Variants in GABPB1 observed in about 807,000 individuals in gnomAD.
GABPB1 encodes GA binding protein transcription factor subunit beta 1.
In GABPB1, 15 loss-of-function variants were observed where a neutral mutation model predicts 45.9. The observed-to-expected ratio is 0.33, with a 90% CI of 0.22 to 0.50. The LOEUF (loss-of-function observed/expected upper bound fraction) is 0.50. Among genes scored for constraint, GABPB1 ranks in the 20% least tolerant of loss-of-function variants. The probability of loss-of-function intolerance (pLI) is 0.98; values close to 1 mark genes in which losing one functional copy is unlikely to be tolerated. For missense variants in GABPB1, 252 were observed against 457.5 expected, an observed-to-expected ratio of 0.55 and a Z score of 4.10; for synonymous variants, 143 against 154.4, an observed-to-expected ratio of 0.93 and a Z score of 0.55.
At chr15:50,315,014 G>A (rs1383596601) in intron 1 of GABPB1, among the ~76,000 whole-genome samples, 2 of 152,108 alleles carry the variant, frequency 1.3e-5, no homozygotes, top group Admixed American at 1.3e-4. Flanking sequence ...GTGTGCTCAA[G>A]TATTTACATA....
chr15:50,320,272 ATTC>A (rs1323879743), intron 1 of GABPB1, among the ~76,000 whole-genome samples: 12 of 152,156 alleles, frequency 7.9e-5, no homozygotes, highest in African/African-American at 2.9e-4. Flanking sequence ...GGTTCAAGCA[ATTC>A]TTCTGCCTCA....
At chr15:50,286,209 T>C in intron 7 of GABPB1, 26 bp from the exon 8 acceptor site, 1 of 1,422,898 alleles carries the variant, frequency 7.0e-7, no homozygotes. Context: ...AATTATGTAT[T>C]ACTTCATTTT....
Position 50,278,687 on chromosome 15 carries a change from T to C in GABPB1, c.1097A>G (p.Tyr366Cys), listed in dbSNP as rs769451248. 2.5e-6 allele frequency: 4 copies of C among 1,613,896 alleles called. No homozygotes were observed. Among genetic ancestry groups the C allele is most frequent in the African/African-American group, 1.3e-5 (1 of 75,058 alleles). Reference protein sequence around the residue: ...LLKKEQEAEAYRQKLEAMTRL... With the variant: ...LLKKEQEAEACRQKLEAMTRL... Reference sequence around the variant, plus strand: ...AGTCATAGCTTCCAACTTCTGTCTGTAGGCCTCTGCTTCCTGTTCTTTCTT... The same window carrying C: ...AGTCATAGCTTCCAACTTCTGTCTGCAGGCCTCTGCTTCCTGTTCTTTCTT... The change falls in exon 9 of 9, where the codon TAC becomes TGC. Residue 366 changes from tyrosine to cysteine, a missense_variant. This residue lies in a region of GABPB1 where 19 missense variants were observed against 23.8 expected (regional missense o/e 0.80). Transcript: ENST00000380877.
At chr15:50,339,247 G>C (rs1390400154) in intron 1 of GABPB1, among the ~76,000 whole-genome samples, 1 of 152,178 alleles carries the variant, frequency 6.6e-6, no homozygotes, top group Non-Finnish European at 1.5e-5. Context: ...GAGCCTGGTA[G>C]GCAGAGGTTG....
chr15:50,288,456 C>A (rs951387803), intron 7 of GABPB1, among the ~76,000 whole-genome samples: 4 of 152,168 alleles, frequency 2.6e-5, no homozygotes, highest in African/African-American at 9.7e-5. Flanking sequence ...CTTCTCTCTG[C>A]CTCAGTATTC....
chr15:50,281,629 A>G (rs1196364005), intron 8 of GABPB1, among the ~76,000 whole-genome samples: 1 of 152,238 alleles, frequency 6.6e-6, no homozygotes, highest in African/African-American at 2.4e-5. Context: ...GTTTTTATAA[A>G]TAAAGTTTTA....
In GABPB1 at chr15:50,355,123, A is replaced by G. The variant is rs1481638889; in HGVS notation, c.-139T>C. On this transcript the variant is annotated 5_prime_UTR_variant, in exon 1 of 9. Coordinates refer to ENST00000380877, the MANE Select transcript of GABPB1 (RefSeq NM_016654.5). ...CTGCACAGGGCGCTATTTTCCGAAA[A>G]TGCCGCGTCTGGTCGGCGCCCAAAA... The G allele has an allele frequency of 5.2e-5, 8 of 152,998 alleles. No individual in the cohort carries two copies. Among genetic ancestry groups the G allele is most frequent in the Non-Finnish European group, 1.2e-4 (8 of 68,260 alleles). The allele number at this position is 152,998 out of a possible 1,614,324, so 9.5% of individuals were successfully genotyped here. A position where few individuals can be genotyped will look rare whatever the true frequency, so the allele number is the denominator to read the frequency against.
At chr15:50,337,937 T>C (rs1404039180) in intron 1 of GABPB1, among the ~76,000 whole-genome samples, 4 of 152,132 alleles carry the variant, frequency 2.6e-5, no homozygotes, top group Non-Finnish European at 5.9e-5. Flanking sequence ...AAAACTCAGG[T>C]AAAAGTAGTA....
intron 4 of GABPB1, among the ~76,000 whole-genome samples, chr15:50,301,767 A>C (rs1469253084): frequency 6.6e-6 from 1 of 152,190 alleles, no homozygotes; most frequent in Non-Finnish European, 1.5e-5. Flanking sequence ...CATCTCAAAA[A>C]ACAAAAACAA....
intron 1 of GABPB1, among the ~76,000 whole-genome samples, chr15:50,334,077 T>C (rs1312613852): frequency 6.6e-6 from 1 of 151,978 alleles, no homozygotes; most frequent in Non-Finnish European, 1.5e-5. Context: ...AAGTCATCTA[T>C]TACTCTAATT....
chr15:50,338,035 AGTT>A (rs1235943182), intron 1 of GABPB1, among the ~76,000 whole-genome samples: 2 of 152,156 alleles, frequency 1.3e-5, no homozygotes, highest in Non-Finnish European at 2.9e-5. Context: ...GCAAAAGCTT[AGTT>A]TTTTTGGTTT....
At chr15:50,323,195 G>C (rs912191404) in intron 1 of GABPB1, among the ~76,000 whole-genome samples, 1 of 152,150 alleles carries the variant, frequency 6.6e-6, no homozygotes, top group African/African-American at 2.4e-5. Context: ...GCGGCTACTA[G>C]AAATTTTTAA....
In GABPB1 at chr15:50,278,546, T is replaced by G. The variant is rs2045883864; in HGVS notation, c.*86A>C. 1 of 1,055,182 alleles carries G rather than the reference T, an allele frequency of 9.5e-7. No homozygotes were observed. The highest frequency in any genetic ancestry group is 2.5e-5 in the Admixed American group (1 of 39,866). 65.4% of individuals were successfully genotyped at this position (1,055,182 alleles called of 1,614,324 possible). A position where few individuals can be genotyped will look rare whatever the true frequency, so the allele number is the denominator to read the frequency against. ...TGTAGTCTCTTCTATCATTCTGTAT[T>G]CCCATGGCTGTACCTTTGTTGTGTA... On this transcript the variant is annotated 3_prime_UTR_variant, in exon 9 of 9. Transcript: ENST00000380877.
chr15:50,346,184 T>C (rs1259827836), intron 1 of GABPB1, among the ~76,000 whole-genome samples: 1 of 152,138 alleles, frequency 6.6e-6, no homozygotes, highest in African/African-American at 2.4e-5. Context: ...ATGTGCAAGC[T>C]TGTACCCTGT....
intron 1 of GABPB1, among the ~76,000 whole-genome samples, chr15:50,335,683 G>A (rs891829425): frequency 6.6e-6 from 1 of 151,856 alleles, no homozygotes; most frequent in African/African-American, 2.4e-5. Context: ...TGGATCATGA[G>A]GTCAGGAGTT....
At chr15:50,336,654 T>TGG (rs1421060866) in intron 1 of GABPB1, among the ~76,000 whole-genome samples, 2 of 148,752 alleles carry the variant, frequency 1.3e-5, no homozygotes, top group African/African-American at 5.0e-5. Context: ...CTGCACTCCA[T>TGG]CCTGGGCAAC....
At chr15:50,291,254 G>A (rs994936959) in intron 6 of GABPB1, among the ~76,000 whole-genome samples, 2 of 151,878 alleles carry the variant, frequency 1.3e-5, no homozygotes, top group African/African-American at 4.8e-5. Flanking sequence ...AAACATTTCT[G>A]TACATTAAAC....
Position 50,304,014 on chromosome 15 carries a change from A to G in GABPB1, c.228T>C (p.His76=). 1 of 1,613,356 alleles carries G rather than the reference A, an allele frequency of 6.2e-7. No homozygotes were observed. The part of the protein sequence containing the change: ...ARTKVDRTPL[H]MAASEGHASI... Reference sequence around the variant, plus strand: ...TGGCATGGCCCTCAGAAGCTGCCATATGTAATGGTGTTCGGTCCACTTTGG... The same window carrying G: ...TGGCATGGCCCTCAGAAGCTGCCATGTGTAATGGTGTTCGGTCCACTTTGG... Residue 76 remains histidine (H), a synonymous_variant, in exon 3 of 9, where the codon CAT becomes CAC. Transcript: ENST00000380877.
At chr15:50,292,623 G>C (rs1301051110) in intron 6 of GABPB1, among the ~76,000 whole-genome samples, 1 of 152,140 alleles carries the variant, frequency 6.6e-6, no homozygotes, top group Admixed American at 6.5e-5. Flanking sequence ...GGAAATGTCT[G>C]AACTAAATCT....
Sources: gnomAD v4.1 joint callset for allele counts (sites outside exome capture counted in the v4.1 genomes callset) on GRCh38, gnomAD v4.1.1 for gene constraint, gnomAD v4.1.1 regional missense constraint, MANE v1.5 for transcripts, NCBI Gene and HGNC (gene_info 2026-07-23, HGNC 2026-07-21) for gene names.